Variants in URAD observed in about 807,000 individuals in gnomAD.
URAD encodes the protein putative 2-oxo-4-hydroxy-4-carboxy-5-ureidoimidazoline decarboxylase.
Under a neutral mutation model 4.6 loss-of-function variants are expected in URAD, and 4 were observed. That is an observed-to-expected ratio of 0.87 (90% CI 0.43 to 1.98). URAD has a LOEUF of 1.98. Ranked by LOEUF, URAD falls within the 30% of genes most tolerant of loss-of-function variation. The pLI is 0.03. For synonymous variants in URAD, 144 were observed against 118.2 expected (o/e 1.22, Z -1.41); for missense variants, 300 against 255.3 (o/e 1.18, Z -1.19).
intron 1 of URAD, among the ~76,000 whole-genome samples, chr13:27,980,193 T>G (rs1231958027): frequency 6.6e-6 from 1 of 151,984 alleles, no homozygotes; most frequent in Non-Finnish European, 1.5e-5. Context: ...CCTCCTAAAG[T>G]GCTGGGATTA....
In URAD at chr13:27,978,180, C is replaced by A; in HGVS notation, c.448G>T (p.Ala150Ser). The A allele has an allele frequency of 2.0e-6, 3 of 1,521,402 alleles. No individual in the cohort carries two copies. Among genetic ancestry groups the A allele is most frequent in the Non-Finnish European group, 2.6e-6 (3 of 1,147,016 alleles). The allele number at this position is 1,521,402 out of a possible 1,614,324, so 94.2% of individuals were successfully genotyped here. A position where few individuals can be genotyped will look rare whatever the true frequency, so the allele number is the denominator to read the frequency against. Residue 150 changes from alanine (A) to serine (S), a missense_variant, in exon 2 of 2, where the codon GCT becomes TCT. By Grantham distance (99) the Ala-to-Ser change is moderately conservative (BLOSUM62 1). Coordinates refer to ENST00000332715, the MANE Select transcript of URAD (RefSeq NM_001105577.2). ...LCPSAQELRT[A>S]LGEVKKIGSL... The stretch of plus-strand genomic sequence containing the variant: ...CCGATCTTCTTCACCTCGCCCAGAG[C>A]AGTGCGCAGCTCCTGCGCGGACGGG...
rs1869790191 is a variant in URAD at position 27,978,593 on chromosome 13, G to C, written c.176-141C>G. On this transcript the variant is annotated intron_variant, in intron 1 of 1. Coordinates refer to ENST00000332715, the MANE Select transcript of URAD (RefSeq NM_001105577.2). ...GCCCCAAAGAAGGCTGCGGGAGGGT[G>C]AAGTAGAGTACCCAGGCGGTGATGT... 8.1e-6 allele frequency: 5 copies of C among 614,212 alleles called. No individual in the cohort carries two copies. In the East Asian group the frequency reaches 1.9e-4, roughly 23 times the overall value. The allele number at this position is 614,212 out of a possible 1,614,324, so 38.0% of individuals were successfully genotyped here. A position where few individuals can be genotyped will look rare whatever the true frequency, so the allele number is the denominator to read the frequency against.
At chr13:27,983,793 C>T (rs541194515) in intron 1 of URAD, among the ~76,000 whole-genome samples, 86 of 152,204 alleles carry the variant, frequency 5.7e-4, no homozygotes, top group Non-Finnish European at 1.1e-3. Context: ...CCACAACAAT[C>T]CCTGGGGCAC....
At chr13:27,978,859 A>G (rs1409713229) in intron 1 of URAD, among the ~76,000 whole-genome samples, 2 of 152,064 alleles carry the variant, frequency 1.3e-5, no homozygotes, top group Non-Finnish European at 2.9e-5. Flanking sequence ...AGCTTTTCCT[A>G]TCTTTCAAAG....
At chr13:27,980,789 C>T (rs968488612) in intron 1 of URAD, among the ~76,000 whole-genome samples, 1 of 152,112 alleles carries the variant, frequency 6.6e-6, no homozygotes, top group African/African-American at 2.4e-5. Context: ...CCCGAGCCCC[C>T]TTCTTGCCCT....
chr13:27,987,031 A>G (rs1463442004), intron 1 of URAD, among the ~76,000 whole-genome samples: 1 of 152,188 alleles, frequency 6.6e-6, no homozygotes, highest in East Asian at 1.9e-4. Flanking sequence ...TGATTTTATG[A>G]CATCCTCTGC....
At chr13:27,982,712 A>T (rs1009955761) in intron 1 of URAD, among the ~76,000 whole-genome samples, 1 of 152,128 alleles carries the variant, frequency 6.6e-6, no homozygotes, top group Non-Finnish European at 1.5e-5. Flanking sequence ...TGGGTATCTT[A>T]GACTCAGCAA....
rs151245170 is a variant in URAD, at chr13:27,981,171, A to T, written c.176-2719T>A. ...TATCCAATCTTCATTGCCCCAAACC[A>T]CTGGACCCTTGAGTAAGTACATCGG... On this transcript the variant is annotated intron_variant, in intron 1 of 1. Coordinates refer to ENST00000332715, the MANE Select transcript of URAD (RefSeq NM_001105577.2). Among the ~76,000 whole-genome samples, 326 of 152,084 alleles carry T rather than the reference A, an allele frequency of 2.1e-3. 3 individuals are homozygous for T. The East Asian group carries it at 0.023, about 11-fold the overall frequency.
At chr13:27,987,523 T>G (rs1870063641) in intron 1 of URAD, among the ~76,000 whole-genome samples, 1 of 152,188 alleles carries the variant, frequency 6.6e-6, no homozygotes, top group African/African-American at 2.4e-5. Flanking sequence ...TGGCCCTTTG[T>G]GGTACAAAAG....
chr13:27,987,539 C>T (rs151064746), intron 1 of URAD, among the ~76,000 whole-genome samples: 3 of 152,258 alleles, frequency 2.0e-5, no homozygotes, highest in Non-Finnish European at 2.9e-5. Flanking sequence ...AAAAGTCAGC[C>T]GATTGCCCTT....
intron 1 of URAD, among the ~76,000 whole-genome samples, chr13:27,979,705 C>G (rs562707166): frequency 1.3e-5 from 2 of 152,184 alleles, no homozygotes; most frequent in Non-Finnish European, 2.9e-5. Context: ...CGTAAAACAC[C>G]GTTCAATGAA....
intron 1 of URAD, among the ~76,000 whole-genome samples, chr13:27,980,371 A>G (rs1385342460): frequency 2.6e-5 from 4 of 152,372 alleles, no homozygotes; most frequent in African/African-American, 7.2e-5. Context: ...CTGGGGGAGC[A>G]GCCCCAGCCC....
intron 1 of URAD, among the ~76,000 whole-genome samples, chr13:27,985,299 A>C (rs1392100631): frequency 2.6e-5 from 4 of 151,824 alleles, no homozygotes; most frequent in Non-Finnish European, 5.9e-5. Flanking sequence ...CTCTACTAAA[A>C]ATAGAAAAAT....
At chr13:27,987,282 C>T (rs1003971118) in intron 1 of URAD, among the ~76,000 whole-genome samples, 9 of 152,152 alleles carry the variant, frequency 5.9e-5, no homozygotes, top group Non-Finnish European at 1.3e-4. Flanking sequence ...CCAGGACAGC[C>T]CCTGAGGCAG....
intron 1 of URAD, among the ~76,000 whole-genome samples, chr13:27,984,073 G>T (rs1869950527): frequency 6.6e-6 from 1 of 151,906 alleles, no homozygotes; most frequent in South Asian, 2.1e-4. Context: ...TTGTGACAGG[G>T]TTCTCGCTCT....
chr13:27,985,958 G>A (rs1035464422), intron 1 of URAD, among the ~76,000 whole-genome samples: 1 of 152,148 alleles, frequency 6.6e-6, no homozygotes, highest in Non-Finnish European at 1.5e-5. Flanking sequence ...TGTTGTTATT[G>A]TCACCATTGA....
At position 27,978,119 on chromosome 13, in the gene URAD, G is replaced by T. The variant is rs1352403205; in HGVS notation, c.509C>A (p.Pro170His). The part of the protein sequence containing the change: ...LRLADLLRAD[P>H]AKL ...CCCGCGCGGCAGCTACAGCTTGGCG[G>T]GGTCTGCGCGGAGGAGGTCGGCCAG... The change falls in exon 2 of 2, where the codon CCC (proline) becomes CAC (histidine). Residue 170 changes from proline (P) to histidine (H), a missense_variant. Physicochemically the swap from Pro to His is moderately conservative, Grantham distance 77 (BLOSUM62 -2). Coordinates refer to ENST00000332715, the MANE Select transcript of URAD (RefSeq NM_001105577.2). 3.3e-6 allele frequency: 5 copies of T among 1,518,762 alleles called. No homozygotes were observed. Among genetic ancestry groups the T allele is most frequent in the East Asian group, 2.7e-5 (1 of 36,572 alleles). 94.1% of individuals were successfully genotyped at this position (1,518,762 alleles called of 1,614,324 possible).
At chr13:27,985,779 A>C (rs1435917775) in intron 1 of URAD, among the ~76,000 whole-genome samples, 1 of 152,186 alleles carries the variant, frequency 6.6e-6, no homozygotes, top group East Asian at 1.9e-4. Context: ...CAAGTTACTT[A>C]ATCTCTGTGT....
At chr13:27,982,582 A>G (rs1302838617) in intron 1 of URAD, among the ~76,000 whole-genome samples, 1 of 152,188 alleles carries the variant, frequency 6.6e-6, no homozygotes, top group Non-Finnish European at 1.5e-5. Flanking sequence ...AGCCAGTCGT[A>G]GGGTTTGAAA....
Sources: gnomAD v4.1 joint callset for allele counts (sites outside exome capture counted in the v4.1 genomes callset) on GRCh38, gnomAD v4.1.1 for gene constraint, MANE v1.5 for transcripts, NCBI Gene and HGNC (gene_info 2026-07-23, HGNC 2026-07-21) for gene names.